Variants in GPHN observed in about 807,000 individuals in gnomAD.
GPHN encodes gephyrin.
GPHN carries 17 observed loss-of-function variants against 95.5 expected under a neutral mutation model. The observed-to-expected ratio is 0.18, with a 90% CI of 0.12 to 0.27. The LOEUF (loss-of-function observed/expected upper bound fraction) is 0.27, where lower values mean the gene tolerates loss of function less well. GPHN is among the 10% of genes least tolerant of loss of function. The pLI, the probability that GPHN is intolerant of heterozygous loss-of-function variation, is 1.00. For synonymous variants in GPHN, 320 were observed against 322.5 expected (o/e 0.99, Z 0.08); for missense variants, 660 against 978.1 (o/e 0.67, Z 4.34).
rs532198885 is a variant in GPHN, at chr14:66,748,034, G to A, written c.144-28430G>A. Among the ~76,000 whole-genome samples, 14 of 152,020 alleles carry A rather than the reference G, an allele frequency of 9.2e-5. No homozygotes were observed. In the East Asian group the frequency reaches 1.7e-3, roughly 19 times the overall value. On this transcript the variant is annotated intron_variant, in intron 2 of 22. Coordinates refer to ENST00000478722, the MANE Select transcript of GPHN (RefSeq NM_020806.5). ...GACTTGAAATAATGGAATATGGTAC[G>A]TCCTAAAGCTTATTTTGTCATTCAT...
At chr14:66,847,977 C>T (rs2062408675) in intron 4 of GPHN, among the ~76,000 whole-genome samples, 1 of 151,976 alleles carries the variant, frequency 6.6e-6, no homozygotes, top group Non-Finnish European at 1.5e-5. Context: ...CCCAGAAAGA[C>T]TGTTTGGTGC....
chr14:67,568,650 A>C, the GPHN span, among the ~76,000 whole-genome samples: 75 of 152,330 alleles, frequency 4.9e-4, no homozygotes, highest in African/African-American at 1.7e-3. Context: ...TTTTTTAAAA[A>C]TGTGCCCTAA....
At chr14:67,103,505 CTT>C (rs1402105100) in intron 13 of GPHN, among the ~76,000 whole-genome samples, 1 of 51,614 alleles carries the variant, frequency 1.9e-5, no homozygotes, top group African/African-American at 7.7e-5. Context: ...GATGCTGTTT[CTT>C]TCTCTTTTTT....
intron 10 of GPHN, among the ~76,000 whole-genome samples, chr14:67,037,116 C>T (rs2074459340): frequency 6.6e-6 from 1 of 151,894 alleles, no homozygotes; most frequent in Non-Finnish European, 1.5e-5. Flanking sequence ...ATATAGAGCC[C>T]AGAAATACAT....
the GPHN span, among the ~76,000 whole-genome samples, chr14:67,222,488 A>G: frequency 6.6e-6 from 1 of 152,056 alleles, no homozygotes; most frequent in African/African-American, 2.4e-5. Flanking sequence ...GTTGGCCAGG[A>G]TGGTCTCGAA....
intron 10 of GPHN, among the ~76,000 whole-genome samples, chr14:67,039,927 A>G (rs1276264862): frequency 6.6e-6 from 1 of 152,162 alleles, no homozygotes; most frequent in Non-Finnish European, 1.5e-5. Flanking sequence ...TCTAGACTGT[A>G]CTGTGTGCAT....
At chr14:66,813,079 T>A (rs2060826230) in intron 3 of GPHN, among the ~76,000 whole-genome samples, 1 of 152,360 alleles carries the variant, frequency 6.6e-6, no homozygotes, top group South Asian at 2.1e-4. Context: ...ATAATTTTTT[T>A]TACTGAAGTC....
chr14:67,059,863 C>CTT (rs2075755020), intron 11 of GPHN, among the ~76,000 whole-genome samples: 2 of 152,004 alleles, frequency 1.3e-5, no homozygotes, highest in Non-Finnish European at 2.9e-5. Flanking sequence ...TTTTCTTTTA[C>CTT]TCCTCAATAA....
In GPHN at chr14:66,922,673, T is replaced by C; in HGVS notation, c.464T>C (p.Phe155Ser). ...PGSKKGSQEC[F>S]QFILPALPHA... ...TCTTTCTCTTGCATACAGGAATGCT[T>C]TCAATTCATACTGCCAGCTCTACCT... Residue 155 changes from phenylalanine to serine, a missense_variant, in exon 7 of 23, where the codon TTT becomes TCT. By Grantham distance (155) the Phe-to-Ser change is radical (BLOSUM62 -2). Transcript: ENST00000478722. 6.2e-7 allele frequency: 1 copy of C among 1,612,162 alleles called. No homozygotes were observed. Among genetic ancestry groups the C allele is most frequent in the Non-Finnish European group, 8.5e-7 (1 of 1,178,520 alleles).
At chr14:67,193,954 C>CA in the GPHN span, among the ~76,000 whole-genome samples, 278 of 85,718 alleles carry the variant, frequency 3.2e-3, 3 homozygotes, top group Non-Finnish European at 4.1e-3. Flanking sequence ...CAAAAAAAAA[C>CA]AAAAAAAAAA....
At chr14:66,950,187 T>A (rs1287883782) in intron 8 of GPHN, among the ~76,000 whole-genome samples, 1 of 152,146 alleles carries the variant, frequency 6.6e-6, no homozygotes, top group Non-Finnish European at 1.5e-5. Flanking sequence ...TGCTATGAGT[T>A]GCATAAGATA....
At chr14:67,408,319 T>C in the GPHN span, among the ~76,000 whole-genome samples, 1 of 136,916 alleles carries the variant, frequency 7.3e-6, no homozygotes, top group Admixed American at 7.6e-5. Flanking sequence ...TAAAATAAAA[T>C]AAAATAAAAT....
At chr14:67,192,851 GATATACAGAT>G in the GPHN span, among the ~76,000 whole-genome samples, 1 of 140,302 alleles carries the variant, frequency 7.1e-6, no homozygotes, top group African/African-American at 2.6e-5. Context: ...TCTATATATA[GATATACAGAT>G]ATATATAGAT....
intron 2 of GPHN, among the ~76,000 whole-genome samples, chr14:66,688,659 A>G (rs1168444577): frequency 6.6e-6 from 1 of 152,154 alleles, no homozygotes; most frequent in Non-Finnish European, 1.5e-5. Context: ...ACAAATTTGG[A>G]TAGTCCTTTC....
chr14:67,636,941 C>G, the GPHN span, among the ~76,000 whole-genome samples: 1 of 152,332 alleles, frequency 6.6e-6, no homozygotes, highest in Non-Finnish European at 1.5e-5. Flanking sequence ...ATGAATTGAC[C>G]TGATGCACAG....
the GPHN span, among the ~76,000 whole-genome samples, chr14:67,284,319 C>A: frequency 7.3e-5 from 11 of 151,082 alleles, no homozygotes; most frequent in Middle Eastern, 0.028. Flanking sequence ...GTTGTGCAGG[C>A]AGGCGTGGTG....
intron 1 of GPHN, among the ~76,000 whole-genome samples, chr14:66,638,529 G>T (rs2064226501): frequency 6.6e-6 from 1 of 152,152 alleles, no homozygotes; most frequent in Non-Finnish European, 1.5e-5. Context: ...GAAGAGTAGT[G>T]CAGTAGTTGA....
At chr14:66,894,940 G>T (rs1424869437) in intron 5 of GPHN, among the ~76,000 whole-genome samples, 1 of 152,214 alleles carries the variant, frequency 6.6e-6, no homozygotes, top group Admixed American at 6.5e-5. Flanking sequence ...CACTGTGGAA[G>T]ACAGTGTGTC....
At chr14:67,340,600 A>C in the GPHN span, 1 of 1,164,210 alleles carries the variant, frequency 8.6e-7, no homozygotes, top group South Asian at 1.3e-5. Context: ...TATAACAGTT[A>C]TTTTTTCCTA....
Sources: allele counts gnomAD v4.1 joint callset (sites outside exome capture counted in the v4.1 genomes callset), GRCh38; gene constraint gnomAD v4.1.1; transcripts MANE v1.5; gene names NCBI Gene and HGNC (gene_info 2026-07-23, HGNC 2026-07-21).